The following INSR variants were observed in gnomAD, a reference collection of about 807,000 sequenced individuals.
INSR encodes the protein IR.
INSR carries 67 observed loss-of-function variants against 142.6 expected under a neutral mutation model. The ratio of observed to expected loss-of-function variants is 0.47; its 90% confidence interval spans 0.39 to 0.58. The LOEUF (loss-of-function observed/expected upper bound fraction) is 0.58, where lower values mean the gene tolerates loss of function less well. Among genes scored for constraint, INSR ranks in the 20% least tolerant of loss-of-function variants. The pLI is 0.00. For synonymous variants in INSR, 756 were observed against 743.1 expected, an observed-to-expected ratio of 1.02 and a Z score of -0.28; for missense variants, 1,248 against 1,833.2, an observed-to-expected ratio of 0.68 and a Z score of 5.83.
chr19:7,155,582 AG>A (rs1448653673), intron 9 of INSR, among the ~76,000 whole-genome samples: 1 of 135,348 alleles, frequency 7.4e-6, no homozygotes, highest in East Asian at 2.1e-4. Context: ...TATAGCTGGA[AG>A]GGGGTGAGAG....
At chr19:7,220,358 T>A (rs560082413) in intron 2 of INSR, among the ~76,000 whole-genome samples, 10 of 152,348 alleles carry the variant, frequency 6.6e-5, no homozygotes, top group African/African-American at 2.4e-4. Flanking sequence ...TGGTGCGATC[T>A]TGGCTCACTG....
chr19:7,177,944 G>A (rs1490553658), intron 3 of INSR, among the ~76,000 whole-genome samples: 1 of 151,752 alleles, frequency 6.6e-6, no homozygotes, highest in African/African-American at 2.4e-5. Context: ...CACCACCAAC[G>A]CCACAGCTTG....
At position 7,119,625 on chromosome 19, in the gene INSR, G is replaced by GACAC. The variant is rs367614576; in HGVS notation, c.3660-46_3660-43dup. On this transcript the variant is annotated intron_variant, in intron 20 of 21. Coordinates refer to ENST00000302850, the MANE Select transcript of INSR (RefSeq NM_000208.4). This position sits in a 1 kb window ranked among gnomAD's most constrained non-coding sequence, Gnocchi z 5.2. ...ATAGTAGTAACAAAGAAGCCATTTA[G>GACAC]ACACACACACACACGCGCGCGCGCA... is the stretch of plus-strand genomic sequence containing the variant. The GACAC allele has an allele frequency of 0.038, 61,252 of 1,592,230 alleles. 629 individuals carry two copies. The highest frequency in any genetic ancestry group is 0.045 in the Non-Finnish European group (52,258 of 1,164,478).
At position 7,162,230 on chromosome 19, in the gene INSR, GGCAGGAGAATC is replaced by G. The variant is rs1599929442; in HGVS notation, c.2029+791_2029+801del. Among the ~76,000 whole-genome samples, 7 of 151,746 alleles carry G rather than the reference GGCAGGAGAATC, an allele frequency of 4.6e-5. 1 individual carries two copies. The highest frequency in any genetic ancestry group is 2.1e-4 in the South Asian group (1 of 4,804). On this transcript the variant is annotated intron_variant, in intron 9 of 21. Coordinates refer to ENST00000302850, the MANE Select transcript of INSR (RefSeq NM_000208.4). ...TAGTCCCAGCTACTCAGGAGCCTGAGGCAGGAGAATCGCTTGCGCCTGGGAGGCAGAAGTTG... is the reference window on the plus strand; with the variant it reads ...TAGTCCCAGCTACTCAGGAGCCTGAGGCTTGCGCCTGGGAGGCAGAAGTTG...
chr19:7,285,195 A>G (rs894023656), intron 1 of INSR, among the ~76,000 whole-genome samples: 3 of 152,082 alleles, frequency 2.0e-5, no homozygotes, highest in Non-Finnish European at 4.4e-5. Flanking sequence ...TCGCGCCTGT[A>G]ATCCCAGCAC....
chr19:7,236,514 T>C (rs1976163485), intron 2 of INSR, among the ~76,000 whole-genome samples: 1 of 152,184 alleles, frequency 6.6e-6, no homozygotes, highest in Non-Finnish European at 1.5e-5. Flanking sequence ...AGAAATACGC[T>C]ATTGATAAAT....
At chr19:7,153,033 CACACACACCACACACCCCCCCACA>C (rs1973430271) in intron 9 of INSR, 106 bp from the exon 10 acceptor site, 1 of 491,216 alleles carries the variant, frequency 2.0e-6, no homozygotes, top group African/African-American at 3.6e-5. Flanking sequence ...ACACCACACA[CACACACACCACACACCCCCCCACA>C]CACACACACC....
At chr19:7,238,677 G>A in intron 2 of INSR, among the ~76,000 whole-genome samples, 1 of 147,670 alleles carries the variant, frequency 6.8e-6, no homozygotes, top group Non-Finnish European at 1.5e-5. Context: ...ACCCAGCCAT[G>A]AGTCTCATCT....
chr19:7,250,580 G>A (rs950403000), intron 2 of INSR, among the ~76,000 whole-genome samples: 8 of 142,812 alleles, frequency 5.6e-5, no homozygotes, highest in African/African-American at 1.8e-4. Context: ...GAAGGAAGGA[G>A]GGAGGGAAGG....
At chr19:7,262,589 A>G (rs1416058589) in intron 2 of INSR, among the ~76,000 whole-genome samples, 2 of 152,250 alleles carry the variant, frequency 1.3e-5, no homozygotes, top group Non-Finnish European at 2.9e-5. Flanking sequence ...GAAATGTGAA[A>G]GCGACCAAGT....
At position 7,249,861 on chromosome 19, in the gene INSR, A is replaced by G. The variant is rs569165848; in HGVS notation, c.652+17484T>C. ...CAAAAAATTAGCCGGGCGTGGTGGC[A>G]GGTGCCTGTAGTCCCAGCTACTCAG... On this transcript the variant is annotated intron_variant, in intron 2 of 21. Coordinates refer to ENST00000302850, the MANE Select transcript of INSR (RefSeq NM_000208.4). Among the ~76,000 whole-genome samples, 156 of 152,104 alleles carry G rather than the reference A, an allele frequency of 1.0e-3. No individual in the cohort carries two copies. In the Middle Eastern group the frequency reaches 0.017, roughly 17 times the overall value.
At chr19:7,231,396 G>A (rs1975974337) in intron 2 of INSR, among the ~76,000 whole-genome samples, 1 of 149,312 alleles carries the variant, frequency 6.7e-6, no homozygotes, top group Admixed American at 6.8e-5. Context: ...CATCTCCCAG[G>A]TTCAAGTGAT....
intron 10 of INSR, chr19:7,152,310 G>A (rs1420982799): frequency 1.1e-4 from 30 of 280,528 alleles, no homozygotes; most frequent in Non-Finnish European, 1.0e-4. Flanking sequence ...AGAATCACTC[G>A]AACCCGGAAA....
At chr19:7,245,172 G>A (rs1474987035) in intron 2 of INSR, among the ~76,000 whole-genome samples, 1 of 151,764 alleles carries the variant, frequency 6.6e-6, no homozygotes, top group South Asian at 2.1e-4. Flanking sequence ...TCCTGACCTC[G>A]TGATCCACCT....
At chr19:7,255,156 A>G (rs1478935254) in intron 2 of INSR, among the ~76,000 whole-genome samples, 1 of 152,166 alleles carries the variant, frequency 6.6e-6, no homozygotes, top group African/African-American at 2.4e-5. Flanking sequence ...CTGGTCTACC[A>G]TCTTTCAGCG....
At chr19:7,194,130 C>A (rs932472518) in intron 2 of INSR, among the ~76,000 whole-genome samples, 1 of 152,156 alleles carries the variant, frequency 6.6e-6, no homozygotes, top group Non-Finnish European at 1.5e-5. Context: ...TTAAAATCAT[C>A]TTTGTTGGCT....
chr19:7,284,811 C>G (rs1372530758), intron 1 of INSR, among the ~76,000 whole-genome samples: 1 of 152,080 alleles, frequency 6.6e-6, no homozygotes, highest in Non-Finnish European at 1.5e-5. Flanking sequence ...TGAGCCACTG[C>G]GCCTGCTCAA....
intron 15 of INSR, 58 bp downstream of exon 15, chr19:7,128,794 A>C (rs1464061656): frequency 1.7e-6 from 2 of 1,176,506 alleles, no homozygotes; most frequent in Non-Finnish European, 2.6e-6. Context: ...ATATCAAGGC[A>C]TGTTTTCCCC....
rs919000641 is a variant in INSR, at chr19:7,168,959, C to G, written c.1484-865G>C. ...CTCCCCATGAAGGTATCCCAGAAGC[C>G]CTTGGCAGCTCACTGTTTAGAATCT... On this transcript the variant is annotated intron_variant, in intron 6 of 21. Transcript: ENST00000302850. The surrounding 1 kb of genome is among the most constrained non-coding windows in gnomAD (Gnocchi z 4.3). Among the ~76,000 whole-genome samples, 1 of 152,298 alleles carries G rather than the reference C, an allele frequency of 6.6e-6. No individual in the cohort carries two copies. Among genetic ancestry groups the G allele is most frequent in the Middle Eastern group, 3.4e-3 (1 of 294 alleles).
Sources: allele counts gnomAD v4.1 joint callset (sites outside exome capture counted in the v4.1 genomes callset), GRCh38; gene constraint gnomAD v4.1.1; non-coding constraint Gnocchi (gnomAD v3.1); transcripts MANE v1.5; gene names NCBI Gene and HGNC (gene_info 2026-07-23, HGNC 2026-07-21).